Variants in VKORC1L1 observed in about 807,000 individuals in gnomAD.
VKORC1L1 encodes the protein vitamin K epoxide reductase complex subunit 1L1, also known as vitamin K epoxide reductase complex subunit 1-like protein 1.
VKORC1L1 carries 2 observed loss-of-function variants against 18.9 expected under a neutral mutation model. The ratio of observed to expected loss-of-function variants is 0.11; its 90% confidence interval spans 0.04 to 0.33. VKORC1L1 has a LOEUF of 0.33. Among genes scored for constraint, VKORC1L1 ranks in the 10% least tolerant of loss-of-function variants. The pLI, the probability that VKORC1L1 is intolerant of heterozygous loss-of-function variation, is 1.00. For missense variants in VKORC1L1, 123 were observed against 224.1 expected (o/e 0.55, Z 2.88); for synonymous variants, 96 against 100.0 (o/e 0.96, Z 0.24).
At chr7:65,945,560 C>T (rs568815404) in intron 1 of VKORC1L1, among the ~76,000 whole-genome samples, 37 of 149,146 alleles carry the variant, frequency 2.5e-4, no homozygotes, top group African/African-American at 8.4e-4. Context: ...TGCAGTGAGC[C>T]GAGATCGCGC....
intron 1 of VKORC1L1, among the ~76,000 whole-genome samples, chr7:65,936,555 C>T (rs912776026): frequency 1.3e-5 from 2 of 152,262 alleles, no homozygotes; most frequent in South Asian, 2.1e-4. Flanking sequence ...CCCTCATGTG[C>T]GCCTCTCAGT....
At chr7:65,931,705 G>C (rs890187283) in intron 1 of VKORC1L1, among the ~76,000 whole-genome samples, 2 of 152,112 alleles carry the variant, frequency 1.3e-5, no homozygotes, top group Non-Finnish European at 2.9e-5. Context: ...GCCGTGGGGT[G>C]ATCTCGGCTC....
At chr7:65,916,477 C>T (rs1239297831) in intron 1 of VKORC1L1, among the ~76,000 whole-genome samples, 1 of 152,086 alleles carries the variant, frequency 6.6e-6, no homozygotes, top group Non-Finnish European at 1.5e-5. Flanking sequence ...TTCCTGTCCC[C>T]TACCTGAAAC....
intron 1 of VKORC1L1, among the ~76,000 whole-genome samples, chr7:65,912,349 A>G (rs1789515693): frequency 6.6e-6 from 1 of 152,224 alleles, no homozygotes; most frequent in African/African-American, 2.4e-5. Flanking sequence ...GGAAGCCACC[A>G]GGAACCATAT....
In VKORC1L1 at chr7:65,946,992, T is replaced by A. The variant is rs548027735; in HGVS notation, c.195-1679T>A. Among the ~76,000 whole-genome samples the A allele has an allele frequency of 9.5e-3, 1,422 of 149,544 alleles. 20 individuals are homozygous for A. Among genetic ancestry groups the A allele is most frequent in the African/African-American group, 0.027 (1,095 of 40,476 alleles). On this transcript the variant is annotated intron_variant, in intron 1 of 2. Coordinates refer to ENST00000360768, the MANE Select transcript of VKORC1L1 (RefSeq NM_173517.6). ...CTATAAAAAAATACCAAAAAAAAAATATATATATATAGCTGGGTGTGGTAG... is the reference window on the plus strand; with the variant it reads ...CTATAAAAAAATACCAAAAAAAAAAAATATATATATAGCTGGGTGTGGTAG...
intron 1 of VKORC1L1, among the ~76,000 whole-genome samples, chr7:65,922,574 G>A (rs748472237): frequency 7.2e-5 from 11 of 152,104 alleles, no homozygotes; most frequent in Non-Finnish European, 1.3e-4. Flanking sequence ...GTGAGCCACT[G>A]CGCCTGGCCA....
chr7:65,943,219 C>T (rs747428513), intron 1 of VKORC1L1, among the ~76,000 whole-genome samples: 11 of 151,152 alleles, frequency 7.3e-5, no homozygotes, highest in African/African-American at 1.2e-4. Flanking sequence ...GCCAACATGG[C>T]GAAACCCTCT....
At chr7:65,887,148 C>T (rs540447019) in intron 1 of VKORC1L1, among the ~76,000 whole-genome samples, 34 of 152,086 alleles carry the variant, frequency 2.2e-4, no homozygotes, top group African/African-American at 7.7e-4. Flanking sequence ...CATGCCTGGC[C>T]GGGAAGGTAA....
chr7:65,928,940 G>A (rs1474682620), intron 1 of VKORC1L1, among the ~76,000 whole-genome samples: 1 of 152,166 alleles, frequency 6.6e-6, no homozygotes, highest in African/African-American at 2.4e-5. Context: ...TGGTAGGTGT[G>A]TAGTGGTGTA....
intron 1 of VKORC1L1, among the ~76,000 whole-genome samples, chr7:65,941,673 GTTTTTTTTTTTT>G (rs57537567): frequency 1.2e-4 from 8 of 66,476 alleles, no homozygotes; most frequent in African/African-American, 1.7e-4. Flanking sequence ...TTTTCTTAAG[GTTTTTTTTTTTT>G]TTTTTTTTTT....
intron 1 of VKORC1L1, among the ~76,000 whole-genome samples, chr7:65,936,766 C>G (rs1037154444): frequency 6.6e-6 from 1 of 152,152 alleles, no homozygotes; most frequent in Non-Finnish European, 1.5e-5. Flanking sequence ...CCCAGGCACC[C>G]CTTTCGCTGT....
At chr7:65,948,187 A>G (rs576263701) in intron 1 of VKORC1L1, among the ~76,000 whole-genome samples, 27 of 152,164 alleles carry the variant, frequency 1.8e-4, no homozygotes, top group South Asian at 8.3e-4. Flanking sequence ...CACACCTGGG[A>G]TGGAGGAGTA....
Position 65,959,285 on chromosome 7 carries a change from A to G in VKORC1L1, c.*4985A>G, listed in dbSNP as rs1355174122. 6.6e-6 allele frequency: 1 copy of G among 152,190 alleles called. No homozygotes were observed. Among genetic ancestry groups the G allele is most frequent in the African/African-American group, 2.4e-5 (1 of 41,442 alleles). 9.4% of individuals were successfully genotyped at this position (152,190 alleles called of 1,614,324 possible). On this transcript the variant is annotated 3_prime_UTR_variant, in exon 3 of 3. Transcript: ENST00000360768. ...ACGCCACTGCACTGCAGCCTAGGCG[A>G]CAGAGGAAGACTCCAGCTCAAGAAA...
the VKORC1L1 span, among the ~76,000 whole-genome samples, chr7:65,866,776 G>A: frequency 5.9e-5 from 9 of 152,024 alleles, no homozygotes; most frequent in Non-Finnish European, 1.0e-4. Flanking sequence ...AATTGGGTAC[G>A]GTGGCATGCA....
rs1235211094 is a variant in VKORC1L1, at chr7:65,957,872, T to A, written c.*3572T>A. 1 of 152,108 alleles carries A rather than the reference T, an allele frequency of 6.6e-6. No individual in the cohort carries two copies. Among genetic ancestry groups the A allele is most frequent in the African/African-American group, 2.4e-5 (1 of 41,434 alleles). The allele number at this position is 152,108 out of a possible 1,614,324, so 9.4% of individuals were successfully genotyped here. ...ATAAAAACTATTTGTTGACTTTTGTTTTTCATTTAGTTTTGGAAAAGACTA... is the reference window on the plus strand; with the variant it reads ...ATAAAAACTATTTGTTGACTTTTGTATTTCATTTAGTTTTGGAAAAGACTA... On this transcript the variant is annotated 3_prime_UTR_variant, in exon 3 of 3. Transcript: ENST00000360768.
At chr7:65,873,068 C>A (rs1788749864), upstream of VKORC1L1, among the ~76,000 whole-genome samples, 1 of 147,148 alleles carries the variant, frequency 6.8e-6, no homozygotes, top group Non-Finnish European at 1.5e-5. Flanking sequence ...AGCGCCACGC[C>A]GCCTCAGTCT....
chr7:65,872,177 C>T (rs978619787), upstream of VKORC1L1, among the ~76,000 whole-genome samples: 5 of 152,178 alleles, frequency 3.3e-5, no homozygotes, highest in African/African-American at 1.2e-4. Context: ...TATCTGTGTT[C>T]TTATTCCTGG....
chr7:65,906,901 C>T (rs530623867), intron 1 of VKORC1L1, among the ~76,000 whole-genome samples: 1 of 152,296 alleles, frequency 6.6e-6, no homozygotes, highest in Admixed American at 6.5e-5. Flanking sequence ...AGTGCTTACG[C>T]TCAGGTTGGG....
In VKORC1L1 at chr7:65,873,512, G is replaced by C. The variant is rs1788767762; in HGVS notation, c.141G>C (p.Arg47=). 19 of 1,591,528 alleles carry C rather than the reference G, an allele frequency of 1.2e-5. No homozygotes were observed. The highest frequency in any genetic ancestry group is 1.5e-5 in the Non-Finnish European group (18 of 1,171,324). The part of the protein sequence containing the change: ...EREKERDPEH[R]ALCDLGPWVK... Reference sequence around the variant, plus strand: ...AGAAGGAGCGGGACCCCGAGCACCGGGCCCTCTGCGACCTGGGGCCCTGGG... The same window carrying C: ...AGAAGGAGCGGGACCCCGAGCACCGCGCCCTCTGCGACCTGGGGCCCTGGG... The change falls in exon 1 of 3, where the codon CGG becomes CGC. Residue 47 remains arginine, a synonymous_variant. Coordinates refer to ENST00000360768, the MANE Select transcript of VKORC1L1 (RefSeq NM_173517.6).
Sources: gnomAD v4.1 joint callset for allele counts (sites outside exome capture counted in the v4.1 genomes callset) on GRCh38, gnomAD v4.1.1 for gene constraint, MANE v1.5 for transcripts, NCBI Gene and HGNC (gene_info 2026-07-23, HGNC 2026-07-21) for gene names.